Variants in KAT8 observed in about 807,000 individuals in gnomAD.
KAT8 encodes histone acetyltransferase KAT8.
In KAT8, 40 loss-of-function variants were observed where a neutral mutation model predicts 62.9. The observed-to-expected ratio is 0.64, with a 90% CI of 0.49 to 0.83. The LOEUF (loss-of-function observed/expected upper bound fraction) is 0.83, where lower values mean the gene tolerates loss of function less well. Among genes scored for constraint, KAT8 ranks in the 40% least tolerant of loss-of-function variants. The pLI, the probability that KAT8 is intolerant of heterozygous loss-of-function variation, is 0.00. For synonymous variants in KAT8, 278 were observed against 254.5 expected, an observed-to-expected ratio of 1.09 and a Z score of -0.88; for missense variants, 387 against 614.8, an observed-to-expected ratio of 0.63 and a Z score of 3.92.
chr16:31,123,028 C>T (rs1003271938), intron 3 of KAT8, among the ~76,000 whole-genome samples: 1 of 150,728 alleles, frequency 6.6e-6, no homozygotes, highest in Non-Finnish European at 1.5e-5. Context: ...ACTAAAAATA[C>T]AAAAATTAGC....
chr16:31,128,170 C>T lies in KAT8; in HGVS notation c.771+31C>T, dbSNP rs183022036. ...TGGGTGGCCAGGGGTTGGGAGAGGC[C>T]GGGGAGGCCCTGGGCACCTCCCAGA... On this transcript the variant is annotated intron_variant, in intron 6 of 10. Coordinates refer to ENST00000219797, the MANE Select transcript of KAT8 (RefSeq NM_032188.3). 4.4e-5 allele frequency: 68 copies of T among 1,558,624 alleles called. No homozygotes were observed. The Admixed American group carries it at 7.7e-4, about 18-fold the overall frequency.
intron 1 of KAT8, 34 bp downstream of exon 1, chr16:31,117,926 G>A: frequency 4.0e-6 from 5 of 1,249,770 alleles, no homozygotes; most frequent in Non-Finnish European, 5.2e-6. Flanking sequence ...GGGCGGGGCG[G>A]AGCTCAGGGC....
intron 3 of KAT8, chr16:31,126,652 G>A: frequency 4.3e-6 from 1 of 231,064 alleles, no homozygotes; most frequent in Non-Finnish European, 8.8e-6. Flanking sequence ...CAGGAACATC[G>A]GGGAGGTAGT....
chr16:31,119,853 G>GTTT (rs2057480225), intron 1 of KAT8, among the ~76,000 whole-genome samples: 1 of 148,600 alleles, frequency 6.7e-6, no homozygotes. Context: ...TTTTTTTTTC[G>GTTT]TCTTTTTGGT....
At chr16:31,129,905 C>T in intron 6 of KAT8, 112 bp from the exon 7 acceptor site, 4 of 1,206,080 alleles carry the variant, frequency 3.3e-6, no homozygotes, top group Non-Finnish European at 4.8e-6. Flanking sequence ...GTGTGAAATC[C>T]TTCTGGCCTG....
chr16:31,125,024 T>C (rs561755065), intron 3 of KAT8, among the ~76,000 whole-genome samples: 26 of 151,754 alleles, frequency 1.7e-4, no homozygotes, highest in Admixed American at 5.9e-4. Flanking sequence ...CAAAATTTCA[T>C]CTCAAAAAAC....
intron 3 of KAT8, chr16:31,121,085 T>TTGTGTGTGTGTGTGTGTGTGTG (rs56324914): frequency 2.8e-5 from 4 of 142,992 alleles, no homozygotes; most frequent in African/African-American, 7.8e-5. Context: ...TAAATGGTTT[T>TTGTGTGTGTGTGTGTGTGTGTG]TGTGTGTGTG....
At chr16:31,123,384 T>A (rs1304515677) in intron 3 of KAT8, among the ~76,000 whole-genome samples, 1 of 151,770 alleles carries the variant, frequency 6.6e-6, no homozygotes, top group African/African-American at 2.4e-5. Context: ...GCCTGGCTAA[T>A]TTTTGTATTT....
chr16:31,129,168 A>G (rs1003037934), intron 6 of KAT8, among the ~76,000 whole-genome samples: 4 of 152,240 alleles, frequency 2.6e-5, no homozygotes, highest in Non-Finnish European at 5.9e-5. Context: ...TGTTTAGTGC[A>G]GTGCTTAGCA....
intron 3 of KAT8, among the ~76,000 whole-genome samples, chr16:31,123,339 C>T (rs562700189): frequency 1.3e-5 from 2 of 152,198 alleles, no homozygotes; most frequent in South Asian, 2.1e-4. Flanking sequence ...GCCGCAGCCT[C>T]CCAAGTAGCT....
chr16:31,119,268 A>G (rs982841094), intron 1 of KAT8, among the ~76,000 whole-genome samples: 4 of 149,198 alleles, frequency 2.7e-5, no homozygotes, highest in Admixed American at 6.7e-5. Context: ...TCCTGCCTCA[A>G]CCTCCTGAGT....
At chr16:31,125,034 CAAAAT>C (rs940437510) in intron 3 of KAT8, among the ~76,000 whole-genome samples, 6 of 151,830 alleles carry the variant, frequency 4.0e-5, no homozygotes, top group African/African-American at 7.3e-5. Context: ...TCTCAAAAAA[CAAAAT>C]AAATTAGCTG....
At chr16:31,122,119 A>G (rs2057499124) in intron 3 of KAT8, 1 of 152,188 alleles carries the variant, frequency 6.6e-6, no homozygotes, top group Non-Finnish European at 1.5e-5. Context: ...AAGTCTCCAG[A>G]CACCCAGACA....
In KAT8 at chr16:31,117,846, G is replaced by T. The variant is rs996972005; in HGVS notation, c.165G>T (p.Val55=). ...CGCGCGGCGAGCCGGAAGTCACGGT[G>T]GAGATCGGAGAAACGTACCTGTGCC... is the stretch of plus-strand genomic sequence containing the variant. The part of the protein sequence containing the change: ...TPARGEPEVT[V]EIGETYLCRR... The change falls in exon 1 of 11, where the codon GTG becomes GTT. Residue 55 remains valine, a synonymous_variant. Coordinates refer to ENST00000219797, the MANE Select transcript of KAT8 (RefSeq NM_032188.3). 1.4e-6 allele frequency: 2 copies of T among 1,438,386 alleles called. No homozygotes were observed. Among genetic ancestry groups the T allele is most frequent in the Non-Finnish European group, 1.8e-6 (2 of 1,086,154 alleles). 89.1% of individuals were successfully genotyped at this position (1,438,386 alleles called of 1,614,324 possible).
At position 31,124,745 on chromosome 16, in the gene KAT8, A is replaced by AAAAAG. The variant is rs1555503644; in HGVS notation, c.463-2286_463-2285insGAAAA. Among the ~76,000 whole-genome samples the AAAAAG allele has an allele frequency of 1.4e-3, 201 of 141,756 alleles. 2 individuals are homozygous for AAAAAG. Among genetic ancestry groups the AAAAAG allele is most frequent in the East Asian group, 6.4e-3 (30 of 4,706 alleles). The allele number at this position is 141,756 out of a possible 152,430, so 93.0% of individuals were successfully genotyped here. ...AGGCTCCATTTCAAAAAAAAAAAAA[A>AAAAAG]AAAAAAGGCTATGGCTCATGCCTGT... is the stretch of plus-strand genomic sequence containing the variant. On this transcript the variant is annotated intron_variant, in intron 3 of 10. Transcript: ENST00000219797.
At chr16:31,130,710 AC>A in intron 9 of KAT8, 35 bp from the exon 10 acceptor site, 1 of 1,612,622 alleles carries the variant, frequency 6.2e-7, no homozygotes, top group South Asian at 1.1e-5. Context: ...CCACAAGGGC[AC>A]CAGGTCTGGC....
Position 31,128,152 on chromosome 16 carries a change from C to T in KAT8, c.771+13C>T, listed in dbSNP as rs747615334. The T allele has an allele frequency of 6.2e-7, 1 of 1,609,170 alleles. No homozygotes were observed. Among genetic ancestry groups the T allele is most frequent in the South Asian group, 1.1e-5 (1 of 90,890 alleles). Reference sequence around the variant, plus strand: ...CAAAGACCATAAGGTGAGTGGGTGGCCAGGGGTTGGGAGAGGCCGGGGAGG... The same window carrying T: ...CAAAGACCATAAGGTGAGTGGGTGGTCAGGGGTTGGGAGAGGCCGGGGAGG... On this transcript the variant is annotated intron_variant, in intron 6 of 10. Coordinates refer to ENST00000219797, the MANE Select transcript of KAT8 (RefSeq NM_032188.3).
Position 31,131,320 on chromosome 16 carries a change from G to C in KAT8, c.*61G>C, listed in dbSNP as rs968367410. ...GGCTCCCAGCCTGTAAATATGTATA[G>C]ACCTGTTTTGTCATTTTTTTAATAA... On this transcript the variant is annotated 3_prime_UTR_variant, in exon 11 of 11. Transcript: ENST00000219797. 6.3e-7 allele frequency: 1 copy of C among 1,584,326 alleles called. No homozygotes were observed. The highest frequency in any genetic ancestry group is 2.3e-5 in the East Asian group (1 of 43,718).
chr16:31,120,728 A>G (rs1160391025), intron 3 of KAT8: 2 of 513,254 alleles, frequency 3.9e-6, no homozygotes, highest in East Asian at 3.0e-5. Context: ...CAGCAAGGAA[A>G]TGGCACAGCT....
Sources: gnomAD v4.1 joint callset for allele counts (sites outside exome capture counted in the v4.1 genomes callset) on GRCh38, gnomAD v4.1.1 for gene constraint, MANE v1.5 for transcripts, NCBI Gene and HGNC (gene_info 2026-07-23, HGNC 2026-07-21) for gene names.